Variants in EZR observed in about 807,000 individuals in gnomAD.
EZR encodes the protein ezrin, also known as cytovillin 2.
EZR carries 40 observed loss-of-function variants against 74.8 expected under a neutral mutation model. The observed-to-expected ratio is 0.53, with a 90% confidence interval of 0.42 to 0.70. The LOEUF is 0.70. Ranked by LOEUF, EZR falls within the 30% of genes least tolerant of loss-of-function variation. The pLI, the probability that EZR is intolerant of heterozygous loss-of-function variation, is 0.00. For synonymous variants in EZR, 341 were observed against 283.3 expected, an observed-to-expected ratio of 1.20 and a Z score of -2.05; for missense variants, 678 against 755.8, an observed-to-expected ratio of 0.90 and a Z score of 1.21.
chr6:158,766,406 ACT>A lies in EZR; in HGVS notation c.*506_*507del, dbSNP rs538585930. 654 of 152,874 alleles carry A rather than the reference ACT, an allele frequency of 4.3e-3. 1 individual carries two copies. The highest frequency in any genetic ancestry group is 6.8e-3 in the Non-Finnish European group (462 of 68,378). 9.5% of individuals were successfully genotyped at this position (152,874 alleles called of 1,614,324 possible). ...CGTGGAGTGACGGGAGGAGGGAATC[ACT>A]GTGTGTGCGAGAGTGCTTCAGACTC... On this transcript the variant is annotated 3_prime_UTR_variant, in exon 14 of 14. Transcript: ENST00000367075.
intron 2 of EZR, among the ~76,000 whole-genome samples, chr6:158,809,566 TGAGTCCATGCTCA>T: frequency 6.6e-6 from 1 of 152,142 alleles, no homozygotes. Context: ...CAGTAGTTTC[TGAGTCCATGCTCA>T]GAGTCCATGA....
intron 2 of EZR, among the ~76,000 whole-genome samples, chr6:158,800,324 T>A (rs1302827423): frequency 6.6e-6 from 1 of 152,132 alleles, no homozygotes; most frequent in Non-Finnish European, 1.5e-5. Flanking sequence ...CTTCTCTAAT[T>A]CCCGCCCATA....
intron 3 of EZR, among the ~76,000 whole-genome samples, chr6:158,787,595 G>C (rs3123113): frequency 0.53 from 79,869 of 151,938 alleles, 21,918 homozygotes; most frequent in Non-Finnish European, 0.61. Context: ...CATCGCTGCC[G>C]GTCAGGTGTG....
chr6:158,817,472 T>G (rs1777582984), intron 2 of EZR, among the ~76,000 whole-genome samples: 1 of 152,234 alleles, frequency 6.6e-6, no homozygotes, highest in Admixed American at 6.5e-5. Context: ...CTCCACCGGC[T>G]GCCTGCATCT....
chr6:158,778,379 A>G (rs938002317), intron 7 of EZR, among the ~76,000 whole-genome samples: 1 of 152,234 alleles, frequency 6.6e-6, no homozygotes, highest in Non-Finnish European at 1.5e-5. Context: ...TCATATAACA[A>G]TTCATAGCCA....
chr6:158,790,484 G>A (rs1430505378), intron 2 of EZR, among the ~76,000 whole-genome samples: 1 of 152,256 alleles, frequency 6.6e-6, no homozygotes, highest in East Asian at 1.9e-4. Context: ...AGACCAGCCT[G>A]GCTAACATGG....
rs148419073 is a variant in EZR, at chr6:158,811,986, T to TA, written c.12+6095dup. Among the ~76,000 whole-genome samples the TA allele has an allele frequency of 4.7e-4, 71 of 152,322 alleles. No individual in the cohort carries two copies. The East Asian group carries it at 0.011, about 23-fold the overall frequency. ...TTCCCTACCATTTATAGGGAAGGTC[T>TA]AGCCTCTTTTTTTCTCTTTGAAAAC... is the stretch of plus-strand genomic sequence containing the variant. On this transcript the variant is annotated intron_variant, in intron 2 of 13. Transcript: ENST00000367075.
At chr6:158,772,852 G>A (rs113361312) in intron 8 of EZR, among the ~76,000 whole-genome samples, 5,106 of 152,202 alleles carry the variant, frequency 0.034, 102 homozygotes, top group Middle Eastern at 0.058. Flanking sequence ...ACGAGGAACC[G>A]GCTGAGCGGG....
At position 158,776,417 on chromosome 6, in the gene EZR, C is replaced by T; in HGVS notation, c.786G>A (p.Lys262=). 6.2e-7 allele frequency: 1 copy of T among 1,613,656 alleles called. No homozygotes were observed. ...DKKFVIKPID[K]KAPDFVFYAP... ...ATCCTTTGGAACTTACAGGTGCCTTCTTGTCGATGGGTTTAATGACAAACT... is the reference window on the plus strand; with the variant it reads ...ATCCTTTGGAACTTACAGGTGCCTTTTTGTCGATGGGTTTAATGACAAACT... Residue 262 remains lysine (K), a synonymous_variant, in exon 8 of 14, where the codon AAG becomes AAA. Coordinates refer to ENST00000367075, the MANE Select transcript of EZR (RefSeq NM_001111077.2).
chr6:158,775,034 C>CTT (rs397732491), intron 8 of EZR, among the ~76,000 whole-genome samples: 57,182 of 121,410 alleles, frequency 0.47, 14,764 homozygotes, highest in Non-Finnish European at 0.56. Context: ...AGCAGGAGCC[C>CTT]TTTTTTTTTT....
chr6:158,804,755 C>CATTT (rs1554274995), intron 2 of EZR, among the ~76,000 whole-genome samples: 1 of 151,128 alleles, frequency 6.6e-6, no homozygotes, highest in Non-Finnish European at 1.5e-5. Context: ...TTTTTCCTTT[C>CATTT]TTTTTTTCTT....
Position 158,766,814 on chromosome 6 carries a change from C to T in EZR, c.*100G>A. Reference sequence around the variant, plus strand: ...AACTGCTTTCTAAAGGAACTGGGATCTGAGGGAGTTCCTAGACTTGGAGCA... The same window carrying T: ...AACTGCTTTCTAAAGGAACTGGGATTTGAGGGAGTTCCTAGACTTGGAGCA... On this transcript the variant is annotated 3_prime_UTR_variant, in exon 14 of 14. Transcript: ENST00000367075. 3 of 1,173,152 alleles carry T rather than the reference C, an allele frequency of 2.6e-6. No individual in the cohort carries two copies. In the South Asian group the frequency reaches 4.3e-5, roughly 17 times the overall value. 72.7% of individuals were successfully genotyped at this position (1,173,152 alleles called of 1,614,324 possible). A position where few individuals can be genotyped will look rare whatever the true frequency, so the allele number is the denominator to read the frequency against.
chr6:158,812,617 G>A (rs1777473473), intron 2 of EZR, among the ~76,000 whole-genome samples: 1 of 152,158 alleles, frequency 6.6e-6, no homozygotes, highest in Non-Finnish European at 1.5e-5. Flanking sequence ...GTAGTTTAAG[G>A]AGTCTGGTCC....
intron 13 of EZR, 86 bp downstream of exon 13, chr6:158,767,175 G>T: frequency 6.3e-7 from 1 of 1,582,566 alleles, no homozygotes. Context: ...TGCTGGGTGG[G>T]GCTGGCTCAC....
intron 2 of EZR, among the ~76,000 whole-genome samples, chr6:158,790,775 A>G (rs1428832233): frequency 6.6e-6 from 1 of 152,232 alleles, no homozygotes; most frequent in South Asian, 2.1e-4. Flanking sequence ...CAGATTTACT[A>G]AAGTGTATGA....
Position 158,816,153 on chromosome 6 carries a change from T to C in EZR, c.12+1929A>G, listed in dbSNP as rs764807711. On this transcript the variant is annotated intron_variant, in intron 2 of 13. Transcript: ENST00000367075. ...TTCATAGAGACAGAAAGTAGAATGG[T>C]GGTTGCCAAGGGCTGGTGGTGGGGA... 1.6e-4 allele frequency among the ~76,000 whole-genome samples: 24 copies of C among 152,202 alleles called. No homozygotes were observed. The Middle Eastern group carries it at 0.01, about 65-fold the overall frequency.
At position 158,765,892 on chromosome 6, in the gene EZR, C is replaced by G. The variant is rs937380589; in HGVS notation, c.*1022G>C. 6.7e-6 allele frequency: 1 copy of G among 149,298 alleles called. No homozygotes were observed. Among genetic ancestry groups the G allele is most frequent in the African/African-American group, 2.5e-5 (1 of 40,512 alleles). The allele number at this position is 149,298 out of a possible 1,614,324, so 9.2% of individuals were successfully genotyped here. A position where few individuals can be genotyped will look rare whatever the true frequency, so the allele number is the denominator to read the frequency against. ...CACAAGCTGCCTTCCAGCAGCCTGC[C>G]AAGGCCATGGCAGAGAGAGACTGCA... is the stretch of plus-strand genomic sequence containing the variant. On this transcript the variant is annotated 3_prime_UTR_variant, in exon 14 of 14. Coordinates refer to ENST00000367075, the MANE Select transcript of EZR (RefSeq NM_001111077.2).
intron 2 of EZR, among the ~76,000 whole-genome samples, chr6:158,816,361 T>A (rs372663475): frequency 1.3e-5 from 2 of 152,268 alleles, no homozygotes; most frequent in South Asian, 4.1e-4. Context: ...AAAAATAAAT[T>A]ACCATTCATT....
At position 158,770,848 on chromosome 6, in the gene EZR, C is replaced by G. The variant is rs1791084013; in HGVS notation, c.1006G>C (p.Glu336Gln). Reference protein sequence around the residue: ...EKKRRETVEREKEQMMREKEE... With the variant: ...EKKRRETVERQKEQMMREKEE... Reference sequence around the variant, plus strand: ...TTCTCGCGCATCATCTGCTCTTTCTCTCTCTCCACGGTTTCTCTCCTTTTC... The same window carrying G: ...TTCTCGCGCATCATCTGCTCTTTCTGTCTCTCCACGGTTTCTCTCCTTTTC... Residue 336 changes from glutamate (E) to glutamine (Q), a missense_variant, in exon 10 of 14, where the codon GAG becomes CAG. By Grantham distance (29) the Glu-to-Gln change is conservative. Coordinates refer to ENST00000367075, the MANE Select transcript of EZR (RefSeq NM_001111077.2). 6.2e-7 allele frequency: 1 copy of G among 1,614,110 alleles called. No individual in the cohort carries two copies. The highest frequency in any genetic ancestry group is 8.5e-7 in the Non-Finnish European group (1 of 1,180,036).
Sources: allele counts gnomAD v4.1 joint callset (sites outside exome capture counted in the v4.1 genomes callset), GRCh38; gene constraint gnomAD v4.1.1; transcripts MANE v1.5; gene names NCBI Gene and HGNC (gene_info 2026-07-23, HGNC 2026-07-21).